Variants in SDK1 observed in about 807,000 individuals in gnomAD.
SDK1 encodes the protein sidekick cell adhesion molecule 1.
A neutral mutation model predicts 245.5 loss-of-function variants in SDK1; 157 were observed. The ratio of observed to expected loss-of-function variants is 0.64; its 90% CI spans 0.56 to 0.73. SDK1 has a LOEUF of 0.73. Among genes scored for constraint, SDK1 ranks in the 30% least tolerant of loss-of-function variants. The probability of loss-of-function intolerance (pLI) is 0.00; values close to 1 mark genes in which losing one functional copy is unlikely to be tolerated. For synonymous variants in SDK1, 1,647 were observed against 1,278.5 expected (o/e 1.29, Z -6.15); for missense variants, 3,583 against 3,002.3 (o/e 1.19, Z -4.52).
chr7:3,951,647 G>T (rs1780843139), intron 6 of SDK1, 83 bp from the exon 7 acceptor site: 3 of 1,284,854 alleles, frequency 2.3e-6, no homozygotes, highest in Non-Finnish European at 3.3e-6. Context: ...GCTTCGTCAA[G>T]CCTGTGCCGA....
At chr7:4,037,659 AT>A (rs1392572175) in intron 17 of SDK1, among the ~76,000 whole-genome samples, 1 of 152,158 alleles carries the variant, frequency 6.6e-6, no homozygotes, top group Non-Finnish European at 1.5e-5. Flanking sequence ...CAAAAATGAC[AT>A]TCTGATTCCA....
intron 1 of SDK1, among the ~76,000 whole-genome samples, chr7:3,601,341 G>A (rs1781248834): frequency 6.6e-6 from 1 of 152,066 alleles, no homozygotes; most frequent in South Asian, 2.1e-4. Flanking sequence ...GAAATCAACT[G>A]GGTCTGGAGA....
intron 1 of SDK1, chr7:3,338,686 A>T (rs993131099): frequency 5.8e-6 from 1 of 173,902 alleles, no homozygotes; most frequent in African/African-American, 2.4e-5. Flanking sequence ...AGAAAAAAAA[A>T]AGTGGGGAGA....
intron 17 of SDK1, among the ~76,000 whole-genome samples, chr7:4,048,313 C>T (rs1189884819): frequency 1.3e-5 from 2 of 152,132 alleles, no homozygotes; most frequent in African/African-American, 2.4e-5. Flanking sequence ...AGGCTTGGCT[C>T]CTCTCTGCAG....
intron 4 of SDK1, among the ~76,000 whole-genome samples, chr7:3,814,670 T>G (rs1374253452): frequency 2.1e-4 from 32 of 152,126 alleles, no homozygotes; most frequent in East Asian, 5.8e-4. Context: ...GTAGCTTGAT[T>G]GGGATGGCAT....
chr7:3,430,648 G>C (rs1779816861), intron 1 of SDK1, among the ~76,000 whole-genome samples: 1 of 152,174 alleles, frequency 6.6e-6, no homozygotes, highest in African/African-American at 2.4e-5. Flanking sequence ...TCTGAGACCT[G>C]ATTCCAGAAT....
intron 1 of SDK1, among the ~76,000 whole-genome samples, chr7:3,538,166 A>G (rs1583139828): frequency 6.6e-6 from 1 of 152,036 alleles, no homozygotes; most frequent in South Asian, 2.1e-4. Context: ...GGGTAGGTGG[A>G]TGGGGTGGGG....
At chr7:3,450,519 G>A (rs1426659253) in intron 1 of SDK1, among the ~76,000 whole-genome samples, 1 of 152,172 alleles carries the variant, frequency 6.6e-6, no homozygotes, top group Non-Finnish European at 1.5e-5. Context: ...GGTCTAGGAT[G>A]ATACGTAGAT....
intron 4 of SDK1, among the ~76,000 whole-genome samples, chr7:3,663,097 G>T (rs966292719): frequency 6.6e-6 from 1 of 152,174 alleles, no homozygotes; most frequent in Non-Finnish European, 1.5e-5. Flanking sequence ...TGCATAATTA[G>T]ATTATTTTGT....
At chr7:3,783,761 G>A (rs1780820447) in intron 4 of SDK1, among the ~76,000 whole-genome samples, 1 of 152,156 alleles carries the variant, frequency 6.6e-6, no homozygotes, top group South Asian at 2.1e-4. Context: ...AATTAATATT[G>A]TTAAATGGCC....
chr7:3,820,212 T>G (rs41879), intron 4 of SDK1, among the ~76,000 whole-genome samples: 1 of 152,162 alleles, frequency 6.6e-6, no homozygotes, highest in Non-Finnish European at 1.5e-5. Flanking sequence ...TGTGGCGGCG[T>G]GATCTCAGCT....
chr7:3,861,221 C>T (rs939972396), intron 5 of SDK1, among the ~76,000 whole-genome samples: 3 of 152,142 alleles, frequency 2.0e-5, no homozygotes, highest in Non-Finnish European at 4.4e-5. Flanking sequence ...TATTATGTAG[C>T]TAGGATGCAA....
intron 14 of SDK1, among the ~76,000 whole-genome samples, chr7:4,002,983 T>C (rs1168139084): frequency 6.6e-6 from 1 of 152,226 alleles, no homozygotes; most frequent in East Asian, 1.9e-4. Flanking sequence ...CATGGAGCCC[T>C]AGCCCTTTGC....
In SDK1 at chr7:4,139,431, ATATATGTGTGTG is replaced by A. The variant is rs1277604435; in HGVS notation, c.4229-6271_4229-6260del. Among the ~76,000 whole-genome samples the A allele has an allele frequency of 9.8e-4, 113 of 115,438 alleles. 5 individuals carry two copies. The highest frequency in any genetic ancestry group is 3.2e-3 in the African/African-American group (102 of 31,484). The allele number at this position is 115,438 out of a possible 152,430, so 75.7% of individuals were successfully genotyped here. Reference sequence around the variant, plus strand: ...TGTGTATATGTGTGTGTGTGTATGTATATATGTGTGTGTATATGTGTGTGTATATGTATATAT... The same window carrying A: ...TGTGTATATGTGTGTGTGTGTATGTATATATGTGTGTGTATATGTATATAT... On this transcript the variant is annotated intron_variant, in intron 28 of 44. Transcript: ENST00000404826.
At chr7:3,506,149 T>C (rs1207580789) in intron 1 of SDK1, among the ~76,000 whole-genome samples, 5 of 152,256 alleles carry the variant, frequency 3.3e-5, no homozygotes, top group Middle Eastern at 3.4e-3. Context: ...CTTGTAGCTT[T>C]TCTTGCAGTT....
intron 5 of SDK1, among the ~76,000 whole-genome samples, chr7:3,848,399 G>A (rs148081174): frequency 1.3e-5 from 2 of 152,270 alleles, no homozygotes; most frequent in East Asian, 3.9e-4. Flanking sequence ...TCCTTCAGAT[G>A]CAGGATGACA....
intron 1 of SDK1, among the ~76,000 whole-genome samples, chr7:3,419,720 T>C (rs1157112369): frequency 6.6e-6 from 1 of 152,194 alleles, no homozygotes; most frequent in Non-Finnish European, 1.5e-5. Context: ...AATCTGTTTT[T>C]AGGTTGAGAA....
At chr7:4,002,870 G>T (rs973971391) in intron 14 of SDK1, among the ~76,000 whole-genome samples, 1 of 152,222 alleles carries the variant, frequency 6.6e-6, no homozygotes, top group East Asian at 1.9e-4. Flanking sequence ...GGGAGGGCCC[G>T]ATGTGATGGG....
chr7:3,816,152 C>G (rs1360314168), intron 4 of SDK1, among the ~76,000 whole-genome samples: 2 of 145,690 alleles, frequency 1.4e-5, no homozygotes, highest in East Asian at 2.0e-4. Context: ...AGGAAAGATC[C>G]AAAATTGACA....
Sources: allele counts gnomAD v4.1 joint callset (sites outside exome capture counted in the v4.1 genomes callset), GRCh38; gene constraint gnomAD v4.1.1; transcripts MANE v1.5; gene names NCBI Gene and HGNC (gene_info 2026-07-23, HGNC 2026-07-21).